Variants in SEPTIN10 observed in about 807,000 individuals in gnomAD.
SEPTIN10 encodes the protein septin-10.
A neutral mutation model predicts 54.8 loss-of-function variants in SEPTIN10; 66 were observed. The observed-to-expected ratio is 1.21, with a 90% CI of 0.99 to 1.48. SEPTIN10 has a LOEUF of 1.48. SEPTIN10 is among the 40% of genes most tolerant of loss of function. The pLI is 0.00. For synonymous variants in SEPTIN10, 161 were observed against 181.0 expected, an observed-to-expected ratio of 0.89 and a Z score of 0.89; for missense variants, 620 against 545.6, an observed-to-expected ratio of 1.14 and a Z score of -1.36.
chr2:109,563,149 G>C (rs1686102411), intron 8 of SEPTIN10, among the ~76,000 whole-genome samples: 1 of 152,038 alleles, frequency 6.6e-6, no homozygotes, highest in Admixed American at 6.6e-5. Flanking sequence ...AACCTCAAGT[G>C]GTCTGCCCGC....
chr2:109,560,619 C>T (rs745699188), intron 8 of SEPTIN10, among the ~76,000 whole-genome samples: 10 of 152,158 alleles, frequency 6.6e-5, no homozygotes, highest in Non-Finnish European at 1.3e-4. Flanking sequence ...CCCCAAAGTG[C>T]TTACTTGTAA....
intron 4 of SEPTIN10, among the ~76,000 whole-genome samples, chr2:109,579,305 G>A (rs1438626324): frequency 6.6e-6 from 1 of 151,516 alleles, no homozygotes; most frequent in Non-Finnish European, 1.5e-5. Flanking sequence ...GAAAACCCCA[G>A]GCACTGATTT....
chr2:109,544,771 T>C (rs1159140708), intron 10 of SEPTIN10: 2 of 820,772 alleles, frequency 2.4e-6, no homozygotes, highest in African/African-American at 3.7e-5. Flanking sequence ...ACAGCTTTTA[T>C]ACTATTTATT....
chr2:109,561,376 T>C (rs1216628228), intron 8 of SEPTIN10, among the ~76,000 whole-genome samples: 2 of 152,152 alleles, frequency 1.3e-5, no homozygotes, highest in African/African-American at 4.8e-5. Flanking sequence ...ACTGTCTGCC[T>C]CTCCTTTAGT....
intron 5 of SEPTIN10, among the ~76,000 whole-genome samples, chr2:109,571,168 C>A (rs374120194): frequency 1.3e-5 from 2 of 152,204 alleles, no homozygotes; most frequent in East Asian, 3.9e-4. Context: ...TTTTAAATTT[C>A]CTGAAATCTC....
At chr2:109,561,235 C>T (rs1391690469) in intron 8 of SEPTIN10, among the ~76,000 whole-genome samples, 3 of 152,136 alleles carry the variant, frequency 2.0e-5, no homozygotes, top group Non-Finnish European at 4.4e-5. Flanking sequence ...TCTCCATCTT[C>T]AGCCCTTTGT....
At chr2:109,608,714 C>G (rs1698555036) in intron 1 of SEPTIN10, among the ~76,000 whole-genome samples, 2 of 152,134 alleles carry the variant, frequency 1.3e-5, no homozygotes, top group African/African-American at 2.4e-5. Context: ...GTCATTATGA[C>G]TATGAGATAC....
intron 1 of SEPTIN10, among the ~76,000 whole-genome samples, chr2:109,600,919 TAAAC>T (rs1338174724): frequency 6.6e-6 from 1 of 152,172 alleles, no homozygotes; most frequent in Non-Finnish European, 1.5e-5. Context: ...AAGATACAAA[TAAAC>T]AGCCAGATAA....
At chr2:109,613,658 G>T (rs1032626620) in intron 1 of SEPTIN10, 140 bp downstream of exon 1, 23 of 539,040 alleles carry the variant, frequency 4.3e-5, no homozygotes, top group African/African-American at 3.6e-4. Flanking sequence ...CGCGGAAGCC[G>T]GGGAGCACTG....
Position 109,613,824 on chromosome 2 carries a change from C to T in SEPTIN10, c.4G>A (p.Ala2Thr). The change falls in exon 1 of 11, where the codon GCC becomes ACC. Residue 2 changes from alanine to threonine, a missense_variant. Coordinates refer to ENST00000397712, the MANE Select transcript of SEPTIN10 (RefSeq NM_144710.5). Reference sequence around the variant, plus strand: ...AGGTGCCGCGCCACCTCGGAGGAGGCCATGGTCGCGGGCAGGGGCACGGTG... The same window carrying T: ...AGGTGCCGCGCCACCTCGGAGGAGGTCATGGTCGCGGGCAGGGGCACGGTG... MASSEVARHLLF... is the reference protein window; with the variant it reads MTSSEVARHLLF... 2 of 1,237,362 alleles carry T rather than the reference C, an allele frequency of 1.6e-6. No homozygotes were observed. Among genetic ancestry groups the T allele is most frequent in the Non-Finnish European group, 2.0e-6 (2 of 991,882 alleles). 76.6% of individuals were successfully genotyped at this position (1,237,362 alleles called of 1,614,324 possible). A position where few individuals can be genotyped will look rare whatever the true frequency, so the allele number is the denominator to read the frequency against.
At chr2:109,585,875 A>G in intron 2 of SEPTIN10, 37 bp from the exon 3 acceptor site, 1 of 1,545,336 alleles carries the variant, frequency 6.5e-7, no homozygotes, top group Non-Finnish European at 8.9e-7. Flanking sequence ...CAGCAATAAA[A>G]AAAACAACTT....
At chr2:109,610,294 T>C (rs1698971568) in intron 1 of SEPTIN10, among the ~76,000 whole-genome samples, 2 of 152,100 alleles carry the variant, frequency 1.3e-5, no homozygotes, top group South Asian at 4.1e-4. Flanking sequence ...TTTACGGTGT[T>C]GGCCAGGATG....
chr2:109,579,647 T>C (rs1166050588), intron 4 of SEPTIN10, among the ~76,000 whole-genome samples: 1 of 151,158 alleles, frequency 6.6e-6, no homozygotes, highest in Non-Finnish European at 1.5e-5. Context: ...CCTCCCAAAG[T>C]GCTGGGATTA....
At chr2:109,554,425 GT>G (rs1683873657) in intron 8 of SEPTIN10, among the ~76,000 whole-genome samples, 1 of 152,156 alleles carries the variant, frequency 6.6e-6, no homozygotes, top group South Asian at 2.1e-4. Context: ...GCTTACTCCA[GT>G]TCAGGGTCAT....
intron 1 of SEPTIN10, among the ~76,000 whole-genome samples, chr2:109,602,749 G>A (rs148675180): frequency 1.3e-5 from 2 of 151,726 alleles, no homozygotes; most frequent in Non-Finnish European, 2.9e-5. Context: ...TTCCATGCAG[G>A]CTAGGTGACA....
chr2:109,546,275 G>A (rs1573352249), intron 9 of SEPTIN10, 38 bp from the exon 10 acceptor site: 10 of 1,415,858 alleles, frequency 7.1e-6, no homozygotes, highest in South Asian at 3.0e-5. Context: ...CTGACACAGC[G>A]CGGCAGCAGA....
At position 109,553,152 on chromosome 2, in the gene SEPTIN10, T is replaced by C; in HGVS notation, c.1096A>G (p.Met366Val). 6.2e-7 allele frequency: 1 copy of C among 1,614,162 alleles called. No homozygotes were observed. Among genetic ancestry groups the C allele is most frequent in the Non-Finnish European group, 8.5e-7 (1 of 1,180,048 alleles). Residue 366 changes from methionine to valine, a missense_variant, in exon 9 of 11, where the codon ATG (methionine) becomes GTG (valine). Coordinates refer to ENST00000397712, the MANE Select transcript of SEPTIN10 (RefSeq NM_144710.5). ...ACTCGCTGCACAAACATCTGTTTCATTTCTTCTTCCTTCCTCTGACGTTCA... is the reference window on the plus strand; with the variant it reads ...ACTCGCTGCACAAACATCTGTTTCACTTCTTCTTCCTTCCTCTGACGTTCA... ...HGERQRKEEE[M>V]KQMFVQRVKE... is the part of the protein sequence containing the mutation.
intron 4 of SEPTIN10, among the ~76,000 whole-genome samples, chr2:109,575,099 G>A (rs1267460633): frequency 2.0e-5 from 3 of 152,144 alleles, no homozygotes; most frequent in East Asian, 1.9e-4. Flanking sequence ...TTGTACTTCC[G>A]AAACCATCAG....
chr2:109,613,354 G>C (rs569580704), intron 1 of SEPTIN10: 2 of 355,304 alleles, frequency 5.6e-6, no homozygotes, highest in African/African-American at 2.1e-5. Flanking sequence ...GATAAAACGG[G>C]AGAGCTTTTG....
Sources: allele counts gnomAD v4.1 joint callset (sites outside exome capture counted in the v4.1 genomes callset), GRCh38; gene constraint gnomAD v4.1.1; transcripts MANE v1.5; gene names NCBI Gene and HGNC (gene_info 2026-07-23, HGNC 2026-07-21).